Variants in NLGN1 observed in about 807,000 individuals in gnomAD.
NLGN1 encodes the protein neuroligin-1.
A neutral mutation model predicts 65.5 loss-of-function variants in NLGN1; 12 were observed. The observed-to-expected ratio is 0.18, with a 90% CI of 0.12 to 0.30. NLGN1 has a LOEUF of 0.30. NLGN1 is among the 10% of genes least tolerant of loss of function. NLGN1 has a pLI of 1.00. For missense variants in NLGN1, 750 were observed against 1,007.1 expected, an observed-to-expected ratio of 0.74 and a Z score of 3.46; for synonymous variants, 350 against 359.5, an observed-to-expected ratio of 0.97 and a Z score of 0.30.
intron 4 of NLGN1, among the ~76,000 whole-genome samples, chr3:173,838,939 A>G (rs992435326): frequency 1.3e-5 from 2 of 152,220 alleles, no homozygotes; most frequent in Non-Finnish European, 2.9e-5. Flanking sequence ...TTTGGTATAC[A>G]TTAATCCAGT....
chr3:173,938,739 C>T (rs909984770), intron 4 of NLGN1, among the ~76,000 whole-genome samples: 1 of 152,070 alleles, frequency 6.6e-6, no homozygotes, highest in Non-Finnish European at 1.5e-5. Flanking sequence ...AGGCCCTTAG[C>T]CCCCCTCTTT....
Position 173,683,027 on chromosome 3 carries a change from C to T in NLGN1, c.493+77936C>T, listed in dbSNP as rs528487289. Among the ~76,000 whole-genome samples the T allele has an allele frequency of 1.2e-4, 18 of 152,150 alleles. No individual in the cohort carries two copies. In the East Asian group the frequency reaches 2.5e-3, roughly 21 times the overall value. On this transcript the variant is annotated intron_variant, in intron 3 of 6. Transcript: ENST00000457714. Reference sequence around the variant, plus strand: ...TGCAACTGTTAAAAGTTATTAAAACCGTGCTTTTCATCATAGGACATTCTG... The same window carrying T: ...TGCAACTGTTAAAAGTTATTAAAACTGTGCTTTTCATCATAGGACATTCTG...
chr3:173,497,463 G>A (rs973274709), intron 2 of NLGN1, among the ~76,000 whole-genome samples: 16 of 151,344 alleles, frequency 1.1e-4, no homozygotes, highest in African/African-American at 3.9e-4. Context: ...CAGTAAACTA[G>A]CATTATCAGC....
At chr3:174,176,663 G>C (rs1231224956) in intron 4 of NLGN1, among the ~76,000 whole-genome samples, 1 of 152,032 alleles carries the variant, frequency 6.6e-6, no homozygotes, top group East Asian at 1.9e-4. Flanking sequence ...ACAGTGAATA[G>C]TAACTTTGTA....
At chr3:173,917,301 A>G (rs1197296689) in intron 4 of NLGN1, among the ~76,000 whole-genome samples, 1 of 152,168 alleles carries the variant, frequency 6.6e-6, no homozygotes, top group African/African-American at 2.4e-5. Flanking sequence ...TATCACGGGT[A>G]TTGGAATCAG....
chr3:173,727,663 A>G (rs1772031458), intron 3 of NLGN1, among the ~76,000 whole-genome samples: 1 of 152,126 alleles, frequency 6.6e-6, no homozygotes, highest in Non-Finnish European at 1.5e-5. Context: ...GTAGGGTCCC[A>G]GTCCACAAGT....
intron 4 of NLGN1, among the ~76,000 whole-genome samples, chr3:174,137,143 C>T (rs1020467931): frequency 3.9e-5 from 6 of 152,068 alleles, no homozygotes; most frequent in South Asian, 2.1e-4. Flanking sequence ...CATTAACATT[C>T]GCAGTTGAAA....
At chr3:173,508,858 G>A (rs1732463456) in intron 2 of NLGN1, among the ~76,000 whole-genome samples, 1 of 152,146 alleles carries the variant, frequency 6.6e-6, no homozygotes, top group Admixed American at 6.6e-5. Flanking sequence ...GTAGGGTCGA[G>A]CCCAGCCCGA....
chr3:173,587,449 G>A (rs1340225775), intron 2 of NLGN1, among the ~76,000 whole-genome samples: 2 of 152,036 alleles, frequency 1.3e-5, no homozygotes, highest in Non-Finnish European at 2.9e-5. Flanking sequence ...AAAAAGTTGC[G>A]GCCAGTAAAC....
At chr3:173,742,928 C>T (rs1321947037) in intron 3 of NLGN1, among the ~76,000 whole-genome samples, 1 of 152,098 alleles carries the variant, frequency 6.6e-6, no homozygotes, top group Admixed American at 6.6e-5. Flanking sequence ...TGTATTATGT[C>T]TATAAAATTA....
At chr3:173,763,230 T>C (rs1300801993) in intron 3 of NLGN1, among the ~76,000 whole-genome samples, 1 of 152,128 alleles carries the variant, frequency 6.6e-6, no homozygotes, top group Non-Finnish European at 1.5e-5. Flanking sequence ...TTAATGAACA[T>C]CATTATTCCA....
chr3:173,748,065 G>A (rs1362624678), intron 3 of NLGN1, among the ~76,000 whole-genome samples: 1 of 151,740 alleles, frequency 6.6e-6, no homozygotes, highest in East Asian at 1.9e-4. Context: ...CTCCCAAAGT[G>A]CTGGGACTAT....
chr3:173,998,581 A>G (rs1038339130), intron 4 of NLGN1, among the ~76,000 whole-genome samples: 1 of 152,192 alleles, frequency 6.6e-6, no homozygotes, highest in Non-Finnish European at 1.5e-5. Flanking sequence ...TAGGAATTTA[A>G]TTGCCTAGAA....
chr3:173,510,276 C>T (rs1189282548), intron 2 of NLGN1, among the ~76,000 whole-genome samples: 1 of 152,132 alleles, frequency 6.6e-6, no homozygotes, highest in African/African-American at 2.4e-5. Context: ...TATCACTCAC[C>T]TGCCATTTAA....
chr3:174,120,983 TTGTTA>T (rs927109693), intron 4 of NLGN1, among the ~76,000 whole-genome samples: 1 of 152,184 alleles, frequency 6.6e-6, no homozygotes, highest in African/African-American at 2.4e-5. Flanking sequence ...ACAATAGGCC[TTGTTA>T]TGTTAGCCAT....
intron 3 of NLGN1, among the ~76,000 whole-genome samples, chr3:173,712,187 G>A (rs79963177): frequency 6.3e-5 from 7 of 111,700 alleles, no homozygotes; most frequent in African/African-American, 2.1e-4. Flanking sequence ...CAGTTTTTTT[G>A]TTTTGCTTTT....
intron 4 of NLGN1, among the ~76,000 whole-genome samples, chr3:174,167,118 G>A (rs534391289): frequency 6.6e-6 from 1 of 152,072 alleles, no homozygotes; most frequent in African/African-American, 2.4e-5. Context: ...AGAAAGATGA[G>A]TCTTGTTATT....
intron 4 of NLGN1, among the ~76,000 whole-genome samples, chr3:173,911,300 A>C (rs1316355803): frequency 6.6e-6 from 1 of 152,190 alleles, no homozygotes; most frequent in Non-Finnish European, 1.5e-5. Context: ...AGTAATATGT[A>C]AGTATCTAAG....
At position 173,923,677 on chromosome 3, in the gene NLGN1, A is replaced by G. The variant is rs1048425774; in HGVS notation, c.646+115845A>G. Among the ~76,000 whole-genome samples, 3 of 152,302 alleles carry G rather than the reference A, an allele frequency of 2.0e-5. No homozygotes were observed. The East Asian group carries it at 5.8e-4, about 29-fold the overall frequency. ...AGTATAAATCTGATAAATAAATTGA[A>G]ACAAAAAATCCTTAGATCATTAAGT... On this transcript the variant is annotated intron_variant, in intron 4 of 6. Transcript: ENST00000457714.
Sources: allele counts gnomAD v4.1 joint callset (sites outside exome capture counted in the v4.1 genomes callset), GRCh38; gene constraint gnomAD v4.1.1; transcripts MANE v1.5; gene names NCBI Gene and HGNC (gene_info 2026-07-23, HGNC 2026-07-21).